Variants in PDE10A observed in about 807,000 individuals in gnomAD.
PDE10A encodes the protein phosphodiesterase 10A.
A neutral mutation model predicts 97.7 loss-of-function variants in PDE10A; 39 were observed. The ratio of observed to expected loss-of-function variants is 0.40; its 90% confidence interval spans 0.31 to 0.52. The LOEUF (loss-of-function observed/expected upper bound fraction) is 0.52. Among genes scored for constraint, PDE10A ranks in the 20% least tolerant of loss-of-function variants. The probability of loss-of-function intolerance (pLI) is 0.56; values close to 1 mark genes in which losing one functional copy is unlikely to be tolerated. For synonymous variants in PDE10A, 371 were observed against 376.8 expected (o/e 0.98, Z 0.18); for missense variants, 731 against 1,047.8 (o/e 0.70, Z 4.17).
chr6:165,612,287 T>C (rs991662830), intron 1 of PDE10A, among the ~76,000 whole-genome samples: 3 of 152,142 alleles, frequency 2.0e-5, no homozygotes, highest in Non-Finnish European at 2.9e-5. Context: ...CAACAAAATA[T>C]AAGCAAACAT....
intron 10 of PDE10A, among the ~76,000 whole-genome samples, chr6:165,422,976 T>C (rs1177913854): frequency 6.6e-6 from 1 of 152,148 alleles, no homozygotes; most frequent in Non-Finnish European, 1.5e-5. Context: ...ATTTATTATC[T>C]TGTTGGTGAA....
chr6:165,587,663 AT>A (rs11352485), intron 1 of PDE10A, among the ~76,000 whole-genome samples: 122,082 of 151,806 alleles, frequency 0.8, 51,775 homozygotes, highest in Non-Finnish European at 0.95. Flanking sequence ...TCAGATATGA[AT>A]TTTTTTTTCC....
At chr6:165,816,169 T>C (rs755825140) in intron 1 of PDE10A, among the ~76,000 whole-genome samples, 2 of 152,114 alleles carry the variant, frequency 1.3e-5, no homozygotes, top group Non-Finnish European at 2.9e-5. Flanking sequence ...CAGGATGCTC[T>C]CAATCTCCTG....
At chr6:165,972,276 C>T (rs950712101) in intron 1 of PDE10A, among the ~76,000 whole-genome samples, 2 of 151,970 alleles carry the variant, frequency 1.3e-5, no homozygotes, top group African/African-American at 4.8e-5. Flanking sequence ...GAAGTGAGAA[C>T]TCGCGGTACC....
At chr6:165,879,921 C>T (rs963609373) in intron 1 of PDE10A, among the ~76,000 whole-genome samples, 1 of 57,982 alleles carries the variant, frequency 1.7e-5, no homozygotes, top group Admixed American at 2.0e-4. Flanking sequence ...GATATGAATT[C>T]TCGGGGGGGG....
chr6:165,948,975 G>C (rs1383709401), intron 1 of PDE10A: 2 of 152,246 alleles, frequency 1.3e-5, no homozygotes, highest in Admixed American at 6.5e-5. Flanking sequence ...CATCGCATCT[G>C]TCTTGCCACA....
chr6:165,924,063 G>C (rs1782843768), intron 1 of PDE10A, among the ~76,000 whole-genome samples: 1 of 152,220 alleles, frequency 6.6e-6, no homozygotes, highest in Admixed American at 6.5e-5. Flanking sequence ...GCTAGTTGTA[G>C]ATGCAGAGTA....
chr6:165,335,965 T>C (rs1781619115), intron 21 of PDE10A, among the ~76,000 whole-genome samples, 158 bp downstream of exon 21: 1 of 152,186 alleles, frequency 6.6e-6, no homozygotes, highest in Non-Finnish European at 1.5e-5. Flanking sequence ...GTCGTGGCCC[T>C]GGGGAAGCCA....
intron 1 of PDE10A, among the ~76,000 whole-genome samples, chr6:165,905,469 A>T (rs754432227): frequency 3.9e-5 from 6 of 152,136 alleles, no homozygotes; most frequent in Non-Finnish European, 7.4e-5. Context: ...ATATCTATTA[A>T]TTTCACTAAC....
At chr6:165,507,701 T>G (rs1781279629) in intron 2 of PDE10A, among the ~76,000 whole-genome samples, 1 of 152,074 alleles carries the variant, frequency 6.6e-6, no homozygotes, top group Admixed American at 6.6e-5. Context: ...CAACTAACAC[T>G]TAACTACACA....
intron 2 of PDE10A, among the ~76,000 whole-genome samples, chr6:165,534,014 A>G (rs1004581283): frequency 3.3e-5 from 5 of 152,134 alleles, no homozygotes; most frequent in Non-Finnish European, 5.9e-5. Context: ...CAGAAAGAAT[A>G]TATCAGATGA....
intron 1 of PDE10A, among the ~76,000 whole-genome samples, chr6:165,945,420 A>G (rs1783733361): frequency 6.6e-6 from 1 of 152,222 alleles, no homozygotes; most frequent in Non-Finnish European, 1.5e-5. Context: ...ATTTTGGAAT[A>G]ATTTGTTGCT....
intron 21 of PDE10A, among the ~76,000 whole-genome samples, chr6:165,334,164 C>T (rs1015781942): frequency 6.6e-6 from 1 of 152,198 alleles, no homozygotes; most frequent in Non-Finnish European, 1.5e-5. Flanking sequence ...TTAAAATGGC[C>T]TTTAAGAAGT....
chr6:165,419,122 C>G (rs1488483205), intron 10 of PDE10A, among the ~76,000 whole-genome samples: 2 of 152,140 alleles, frequency 1.3e-5, no homozygotes, highest in Non-Finnish European at 2.9e-5. Flanking sequence ...GCCCTTCTGC[C>G]ATCCAAGGCC....
intron 2 of PDE10A, among the ~76,000 whole-genome samples, chr6:165,499,462 A>G (rs772980067): frequency 6.6e-6 from 1 of 152,246 alleles, no homozygotes. Context: ...AATAGTCCAC[A>G]ATGTTCAGCA....
At chr6:165,627,408 T>C (rs554803298) in intron 1 of PDE10A, among the ~76,000 whole-genome samples, 82 of 152,230 alleles carry the variant, frequency 5.4e-4, no homozygotes, top group Non-Finnish European at 1.0e-3. Flanking sequence ...GCCATATGAT[T>C]AATTCTTAGA....
At position 165,580,825 on chromosome 6, in the gene PDE10A, C is replaced by T. The variant is rs540024444; in HGVS notation, c.866-37257G>A. Among the ~76,000 whole-genome samples the T allele has an allele frequency of 7.3e-5, 11 of 151,490 alleles. No individual in the cohort carries two copies. In the East Asian group the frequency reaches 2.2e-3, roughly 30 times the overall value. ...AATGAGAAAGAAGACGGTAAGTCTC[C>T]TACCCAACGAGAAAGAAGATGGTAA... On this transcript the variant is annotated intron_variant, in intron 1 of 21. Transcript: ENST00000539869.
intron 1 of PDE10A, among the ~76,000 whole-genome samples, chr6:165,721,205 G>T (rs1169607314): frequency 6.6e-6 from 1 of 152,136 alleles, no homozygotes; most frequent in Non-Finnish European, 1.5e-5. Context: ...TGTGGCACAG[G>T]GTTTTCTTGA....
intron 2 of PDE10A, among the ~76,000 whole-genome samples, chr6:165,541,946 C>A (rs1421558487): frequency 6.6e-6 from 1 of 152,022 alleles, no homozygotes; most frequent in African/African-American, 2.4e-5. Context: ...AAATGCAAAA[C>A]AAAATTTCAG....
Sources: allele counts gnomAD v4.1 joint callset (sites outside exome capture counted in the v4.1 genomes callset), GRCh38; gene constraint gnomAD v4.1.1; transcripts MANE v1.5; gene names NCBI Gene and HGNC (gene_info 2026-07-23, HGNC 2026-07-21).